ZNF277: variants seen among roughly 807,000 people sequenced by gnomAD.
ZNF277 encodes the protein zinc finger protein 277, also known as nuclear receptor-interacting factor 4.
In ZNF277, 55 loss-of-function variants were observed where a neutral mutation model predicts 60.7. That is an observed-to-expected ratio of 0.91 (90% CI 0.73 to 1.13). ZNF277 has a LOEUF of 1.13. Among genes scored for constraint, ZNF277 ranks in the 50% most tolerant of loss-of-function variants. ZNF277 has a pLI of 0.00. For synonymous variants in ZNF277, 178 were observed against 179.3 expected, an observed-to-expected ratio of 0.99 and a Z score of 0.06; for missense variants, 510 against 523.0, an observed-to-expected ratio of 0.98 and a Z score of 0.24.
At chr7:112,257,671 A>G (rs1211795263) in intron 1 of ZNF277, among the ~76,000 whole-genome samples, 2 of 152,118 alleles carry the variant, frequency 1.3e-5, no homozygotes, top group Non-Finnish European at 1.5e-5. Context: ...AGTAATAGGG[A>G]GTGGTAAGGG....
chr7:112,303,104 C>T (rs183093086), intron 4 of ZNF277, among the ~76,000 whole-genome samples: 20 of 151,922 alleles, frequency 1.3e-4, no homozygotes, highest in Admixed American at 1.3e-3. Flanking sequence ...GTGTATGCCA[C>T]CACACCCAGC....
chr7:112,300,455 A>G (rs1303750288), intron 4 of ZNF277, among the ~76,000 whole-genome samples: 2 of 152,116 alleles, frequency 1.3e-5, no homozygotes, highest in Non-Finnish European at 2.9e-5. Flanking sequence ...AGTCTTGTCC[A>G]GTGGTTCTTT....
chr7:112,212,080 A>T (rs1260096471), intron 1 of ZNF277, among the ~76,000 whole-genome samples: 1 of 152,250 alleles, frequency 6.6e-6, no homozygotes, highest in Non-Finnish European at 1.5e-5. Flanking sequence ...GGAGGATGAT[A>T]TTCTGTCAAG....
intron 2 of ZNF277, among the ~76,000 whole-genome samples, chr7:112,291,318 G>A (rs56675883): frequency 5.9e-5 from 9 of 151,994 alleles, no homozygotes; most frequent in African/African-American, 1.9e-4. Context: ...TTACAGTGAG[G>A]GTGGGCAGGC....
intron 1 of ZNF277, among the ~76,000 whole-genome samples, chr7:112,273,095 A>C (rs1563211556): frequency 6.6e-6 from 1 of 152,172 alleles, no homozygotes; most frequent in Non-Finnish European, 1.5e-5. Context: ...CATGCTCCCC[A>C]CATCCGCTGG....
At chr7:112,258,042 G>A (rs1791363988) in intron 1 of ZNF277, among the ~76,000 whole-genome samples, 1 of 151,648 alleles carries the variant, frequency 6.6e-6, no homozygotes. Flanking sequence ...ATTTTTTTAA[G>A]CCAGAATATG....
chr7:112,330,745 G>A (rs1793211729), intron 7 of ZNF277, among the ~76,000 whole-genome samples: 1 of 151,510 alleles, frequency 6.6e-6, no homozygotes, highest in East Asian at 1.9e-4. Context: ...CACCACACTT[G>A]GCTAATTTTT....
chr7:112,231,000 G>A (rs1273203890), intron 1 of ZNF277, among the ~76,000 whole-genome samples: 1 of 152,114 alleles, frequency 6.6e-6, no homozygotes, highest in Non-Finnish European at 1.5e-5. Flanking sequence ...AGATCACGAG[G>A]TCAGGAGTTC....
chr7:112,330,089 A>G lies in ZNF277; in HGVS notation c.674A>G (p.Gln225Arg). Reference protein sequence around the residue: ...CTLQKKLDNLQCLYCEKTFRD... With the variant: ...CTLQKKLDNLRCLYCEKTFRD... Reference sequence around the variant, plus strand: ...TGTTTGTGTATTTCTTGTAGTTTGCAGTGCTTGTACTGTGAGAAGACCTTC... The same window carrying G: ...TGTTTGTGTATTTCTTGTAGTTTGCGGTGCTTGTACTGTGAGAAGACCTTC... Residue 225 changes from glutamine to arginine, a missense_variant, in exon 7 of 12, where the codon CAG becomes CGG. Transcript: ENST00000361822. 1 of 1,610,680 alleles carries G rather than the reference A, an allele frequency of 6.2e-7. No individual in the cohort carries two copies. Among genetic ancestry groups the G allele is most frequent in the Non-Finnish European group, 8.5e-7 (1 of 1,179,036 alleles).
chr7:112,220,159 T>C (rs1313673303), intron 1 of ZNF277, among the ~76,000 whole-genome samples: 1 of 152,244 alleles, frequency 6.6e-6, no homozygotes, highest in Non-Finnish European at 1.5e-5. Flanking sequence ...GTGGACATTT[T>C]AATATTCTTC....
intron 5 of ZNF277, among the ~76,000 whole-genome samples, chr7:112,324,098 G>C (rs182600470): frequency 2.6e-5 from 4 of 152,260 alleles, no homozygotes; most frequent in Admixed American, 1.3e-4. Context: ...AGTGCTACTT[G>C]ATTTACAGTG....
At chr7:112,237,970 AAATT>A (rs1336933616) in intron 1 of ZNF277, among the ~76,000 whole-genome samples, 1 of 152,154 alleles carries the variant, frequency 6.6e-6, no homozygotes, top group Non-Finnish European at 1.5e-5. Context: ...AAAAATAAAT[AAATT>A]AACACCACCT....
chr7:112,235,808 A>G (rs1170637876), intron 1 of ZNF277, among the ~76,000 whole-genome samples: 1 of 151,014 alleles, frequency 6.6e-6, no homozygotes, highest in Non-Finnish European at 1.5e-5. Flanking sequence ...TTTTTCCTTT[A>G]ATCACTTGTA....
At chr7:112,331,651 G>C (rs921467942) in intron 7 of ZNF277, among the ~76,000 whole-genome samples, 1 of 152,150 alleles carries the variant, frequency 6.6e-6, no homozygotes, top group Admixed American at 6.5e-5. Flanking sequence ...AGGTTGCCAT[G>C]GTTTTCTACA....
intron 1 of ZNF277, among the ~76,000 whole-genome samples, chr7:112,246,285 A>G (rs1431613641): frequency 6.6e-6 from 1 of 152,042 alleles, no homozygotes; most frequent in Non-Finnish European, 1.5e-5. Flanking sequence ...CTACTCAGAA[A>G]TAGAAAGCTG....
chr7:112,268,347 A>AT (rs145203057), intron 1 of ZNF277, among the ~76,000 whole-genome samples: 89 of 147,280 alleles, frequency 6.0e-4, no homozygotes, highest in East Asian at 3.6e-3. Flanking sequence ...GTAGGGCTTA[A>AT]TTTTTTTTTT....
At chr7:112,285,955 A>G (rs977881124) in intron 1 of ZNF277, among the ~76,000 whole-genome samples, 58 of 152,126 alleles carry the variant, frequency 3.8e-4, no homozygotes, top group African/African-American at 1.3e-3. Context: ...CTTTCTGCAA[A>G]TGCCAGAGGC....
intron 4 of ZNF277, among the ~76,000 whole-genome samples, chr7:112,315,306 T>C (rs1792819940): frequency 6.6e-6 from 1 of 152,112 alleles, no homozygotes; most frequent in Non-Finnish European, 1.5e-5. Context: ...TAAGTCCCTA[T>C]AGTTTTGTTC....
intron 1 of ZNF277, among the ~76,000 whole-genome samples, chr7:112,257,043 C>T (rs1446750278): frequency 6.6e-6 from 1 of 151,988 alleles, no homozygotes; most frequent in Non-Finnish European, 1.5e-5. Context: ...AGGAGTTTAC[C>T]AGAGTTCTGA....
Sources: gnomAD v4.1 joint callset for allele counts (sites outside exome capture counted in the v4.1 genomes callset) on GRCh38, gnomAD v4.1.1 for gene constraint, MANE v1.5 for transcripts, NCBI Gene and HGNC (gene_info 2026-07-23, HGNC 2026-07-21) for gene names.